LUZP2: variants seen among roughly 807,000 people sequenced by gnomAD.
LUZP2 encodes leucine zipper protein 2.
A neutral mutation model predicts 51.6 loss-of-function variants in LUZP2; 52 were observed. The ratio of observed to expected loss-of-function variants is 1.01; its 90% confidence interval spans 0.81 to 1.27. The LOEUF is 1.27. Ranked by LOEUF, LUZP2 falls within the 50% of genes most tolerant of loss-of-function variation. The probability of loss-of-function intolerance (pLI) is 0.00; values close to 1 mark genes in which losing one functional copy is unlikely to be tolerated. For synonymous variants in LUZP2, 154 were observed against 137.3 expected (o/e 1.12, Z -0.85); for missense variants, 436 against 395.4 (o/e 1.10, Z -0.87).
At chr11:24,984,425 C>A (rs1318109944) in intron 9 of LUZP2, among the ~76,000 whole-genome samples, 1 of 148,684 alleles carries the variant, frequency 6.7e-6, no homozygotes, top group East Asian at 2.0e-4. Context: ...GTATGAGATC[C>A]TTATGTAATA....
chr11:24,868,915 A>G (rs1245857270), intron 5 of LUZP2, among the ~76,000 whole-genome samples: 3 of 152,192 alleles, frequency 2.0e-5, no homozygotes, highest in Non-Finnish European at 2.9e-5. Flanking sequence ...AACCAGTAAT[A>G]TGGAAGAGCA....
At chr11:24,570,061 A>C (rs1421969873) in intron 1 of LUZP2, among the ~76,000 whole-genome samples, 1 of 152,078 alleles carries the variant, frequency 6.6e-6, no homozygotes, top group South Asian at 2.1e-4. Context: ...ACACTTCTTA[A>C]CAATGAGATG....
intron 5 of LUZP2, among the ~76,000 whole-genome samples, chr11:24,898,225 C>A (rs1156387270): frequency 6.8e-6 from 1 of 147,174 alleles, no homozygotes; most frequent in East Asian, 2.1e-4. Context: ...TCTAAGACAT[C>A]CAGTTTATGA....
chr11:25,069,609 A>G (rs1859097186), intron 10 of LUZP2, among the ~76,000 whole-genome samples: 1 of 151,926 alleles, frequency 6.6e-6, no homozygotes, highest in Non-Finnish European at 1.5e-5. Flanking sequence ...ATAAAATAGC[A>G]GAAAATATAT....
chr11:24,733,283 G>C (rs1253957785), intron 3 of LUZP2, among the ~76,000 whole-genome samples: 1 of 151,656 alleles, frequency 6.6e-6, no homozygotes, highest in Non-Finnish European at 1.5e-5. Flanking sequence ...AACTTGAAAA[G>C]AGCAATCCGA....
chr11:24,949,151 G>C (rs1329159745), intron 7 of LUZP2, among the ~76,000 whole-genome samples: 1 of 151,526 alleles, frequency 6.6e-6, no homozygotes, highest in East Asian at 1.9e-4. Context: ...ATATGTTTTA[G>C]CTCAGAAGGC....
At chr11:25,066,968 T>C (rs1859013631) in intron 10 of LUZP2, among the ~76,000 whole-genome samples, 1 of 152,002 alleles carries the variant, frequency 6.6e-6, no homozygotes, top group Non-Finnish European at 1.5e-5. Context: ...TGAACCTACA[T>C]ATGGCAATTA....
At chr11:24,530,762 C>CTTTTT (rs367857815) in intron 1 of LUZP2, among the ~76,000 whole-genome samples, 64 of 75,332 alleles carry the variant, frequency 8.5e-4, no homozygotes, top group Non-Finnish European at 1.3e-3. Flanking sequence ...CTTCTTCTTA[C>CTTTTT]TTTTTTTTTT....
At chr11:24,665,470 G>A (rs560045783) in intron 1 of LUZP2, among the ~76,000 whole-genome samples, 1 of 152,200 alleles carries the variant, frequency 6.6e-6, no homozygotes, top group African/African-American at 2.4e-5. Context: ...TGAAATGTGA[G>A]GACATGAGAT....
chr11:24,533,638 A>G (rs1851081926), intron 1 of LUZP2, among the ~76,000 whole-genome samples: 1 of 151,218 alleles, frequency 6.6e-6, no homozygotes, highest in East Asian at 1.9e-4. Flanking sequence ...TATATATCCT[A>G]TTTATCTTTT....
At chr11:24,943,357 C>A (rs1290212920) in intron 7 of LUZP2, among the ~76,000 whole-genome samples, 1 of 151,628 alleles carries the variant, frequency 6.6e-6, no homozygotes, top group Non-Finnish European at 1.5e-5. Context: ...TTTTTTTTCC[C>A]TCTCTCTCCC....
At chr11:24,680,973 ATTT>A (rs67751061) in intron 1 of LUZP2, among the ~76,000 whole-genome samples, 2,914 of 113,648 alleles carry the variant, frequency 0.026, 96 homozygotes, top group African/African-American at 0.082. Context: ...TTCTTTCTTT[ATTT>A]TTTTTTTTTT....
chr11:24,869,093 A>G (rs1207939090), intron 5 of LUZP2, among the ~76,000 whole-genome samples: 4 of 152,118 alleles, frequency 2.6e-5, no homozygotes, highest in Non-Finnish European at 5.9e-5. Context: ...TTCCTTCAGG[A>G]GTTTTGAGAG....
chr11:24,714,977 C>A (rs10834445), intron 1 of LUZP2, among the ~76,000 whole-genome samples: 50,617 of 151,946 alleles, frequency 0.33, 9,092 homozygotes, highest in Non-Finnish European at 0.41. Flanking sequence ...AGACTCTCAG[C>A]CCATCAGCCT....
At chr11:24,704,258 CTTATAT>C (rs752502864) in intron 1 of LUZP2, among the ~76,000 whole-genome samples, 3 of 152,132 alleles carry the variant, frequency 2.0e-5, no homozygotes, top group Admixed American at 6.5e-5. Context: ...CAGAGTTAAA[CTTATAT>C]TTATAACTAT....
intron 9 of LUZP2, among the ~76,000 whole-genome samples, chr11:24,997,241 T>G (rs1214388223): frequency 6.6e-6 from 1 of 151,924 alleles, no homozygotes; most frequent in Non-Finnish European, 1.5e-5. Context: ...ACCAACAGTG[T>G]AAAAGTGTTC....
At chr11:24,858,441 G>A (rs538875977) in intron 5 of LUZP2, among the ~76,000 whole-genome samples, 1 of 152,100 alleles carries the variant, frequency 6.6e-6, no homozygotes, top group African/African-American at 2.4e-5. Context: ...GGACACAGTT[G>A]TTCTTCTTTC....
chr11:24,689,482 G>A (rs143477738), intron 1 of LUZP2, among the ~76,000 whole-genome samples: 1,628 of 152,232 alleles, frequency 0.011, 9 homozygotes, highest in Non-Finnish European at 0.017. Flanking sequence ...GCGGCTGATC[G>A]CCAGCTCCAG....
At chr11:24,893,911 T>G in intron 5 of LUZP2, among the ~76,000 whole-genome samples, 1 of 152,174 alleles carries the variant, frequency 6.6e-6, no homozygotes, top group Non-Finnish European at 1.5e-5. Flanking sequence ...AGACTAATTA[T>G]AAACCTGCTT....
Sources: allele counts gnomAD v4.1 joint callset (sites outside exome capture counted in the v4.1 genomes callset), GRCh38; gene constraint gnomAD v4.1.1; transcripts MANE v1.5; gene names NCBI Gene and HGNC (gene_info 2026-07-23, HGNC 2026-07-21).